Variants in CERS3 observed in about 807,000 individuals in gnomAD.
CERS3 encodes the protein ceramide synthase 3, also known as LAG1 homolog, ceramide synthase 3.
A neutral mutation model predicts 50.3 loss-of-function variants in CERS3; 33 were observed. The observed-to-expected ratio is 0.66, with a 90% CI of 0.50 to 0.88. The LOEUF (loss-of-function observed/expected upper bound fraction) is 0.88. CERS3 is among the 40% of genes least tolerant of loss of function. The pLI is 0.00. For synonymous variants in CERS3, 176 were observed against 155.2 expected, an observed-to-expected ratio of 1.13 and a Z score of -0.99; for missense variants, 470 against 460.3, an observed-to-expected ratio of 1.02 and a Z score of -0.19.
At chr15:100,475,531 G>A (rs1206058744) in intron 8 of CERS3, among the ~76,000 whole-genome samples, 1 of 152,192 alleles carries the variant, frequency 6.6e-6, no homozygotes, top group East Asian at 1.9e-4. Context: ...TTAGGAATCA[G>A]TAACAACCAA....
intron 11 of CERS3, 21 bp downstream of exon 11, chr15:100,455,872 T>C (rs76965044): frequency 1.4e-6 from 1 of 707,246 alleles, no homozygotes; most frequent in Non-Finnish European, 1.9e-6. Context: ...TTAAGAGCAA[T>C]AATATTTGGA....
intron 1 of CERS3, among the ~76,000 whole-genome samples, chr15:100,542,025 T>G (rs138042214): frequency 2.0e-5 from 3 of 152,322 alleles, no homozygotes; most frequent in Admixed American, 2.0e-4. Context: ...GGTCCATACT[T>G]TCAGCTATTT....
At chr15:100,434,739 G>A (rs985947396) in intron 11 of CERS3, among the ~76,000 whole-genome samples, 2 of 152,184 alleles carry the variant, frequency 1.3e-5, no homozygotes, top group Non-Finnish European at 2.9e-5. Context: ...TGCTGTGAAT[G>A]TGCAGATTTA....
At chr15:100,541,144 G>C (rs1423199980) in intron 1 of CERS3, among the ~76,000 whole-genome samples, 33 of 152,142 alleles carry the variant, frequency 2.2e-4, no homozygotes, top group Admixed American at 2.2e-3. Flanking sequence ...TGAGCTACGT[G>C]GCAAGCAGCA....
intron 1 of CERS3, among the ~76,000 whole-genome samples, chr15:100,539,591 A>G (rs2037151401): frequency 6.6e-6 from 1 of 152,228 alleles, no homozygotes; most frequent in Middle Eastern, 3.2e-3. Context: ...AGATCTCAGG[A>G]GAACTTGCTC....
At chr15:100,434,146 A>G (rs2033277954) in intron 11 of CERS3, among the ~76,000 whole-genome samples, 1 of 152,226 alleles carries the variant, frequency 6.6e-6, no homozygotes, top group Non-Finnish European at 1.5e-5. Context: ...CTCAGACTGA[A>G]GACGTCCTAG....
intron 10 of CERS3, among the ~76,000 whole-genome samples, chr15:100,467,829 ATATACGTG>A (rs1158877851): frequency 1.0e-5 from 1 of 98,542 alleles, no homozygotes; most frequent in African/African-American, 3.6e-5. Flanking sequence ...ATGTGTATAT[ATATACGTG>A]TATATATATA....
intron 2 of CERS3, among the ~76,000 whole-genome samples, chr15:100,504,199 C>T (rs914177065): frequency 1.3e-5 from 2 of 150,888 alleles, no homozygotes; most frequent in Non-Finnish European, 2.9e-5. Flanking sequence ...ACCTGCAAGG[C>T]TGTGCCCCTG....
rs1382668305 is a variant in CERS3 at position 100,479,969 on chromosome 15, G to C, written c.465+20C>G. 6.4e-7 allele frequency: 1 copy of C among 1,569,506 alleles called. No homozygotes were observed. The highest frequency in any genetic ancestry group is 1.7e-5 in the Admixed American group (1 of 57,334). On this transcript the variant is annotated intron_variant, in intron 6 of 11. Transcript: ENST00000679737. Reference sequence around the variant, plus strand: ...AAATTAAAGACAAATTCCAATCGAAGATATAAAAAGATAACTTACATCATA... The same window carrying C: ...AAATTAAAGACAAATTCCAATCGAACATATAAAAAGATAACTTACATCATA...
intron 11 of CERS3, among the ~76,000 whole-genome samples, chr15:100,447,804 C>A (rs948131197): frequency 1.3e-5 from 2 of 152,124 alleles, no homozygotes; most frequent in Non-Finnish European, 2.9e-5. Context: ...ATGAACATTC[C>A]CCCACTAGAT....
chr15:100,452,757 C>T (rs1023607721), intron 11 of CERS3, among the ~76,000 whole-genome samples: 10 of 151,876 alleles, frequency 6.6e-5, no homozygotes, highest in Non-Finnish European at 1.5e-4. Context: ...GCTAGCTAGA[C>T]TGACCAAGAA....
chr15:100,436,476 T>TG (rs937978761), intron 11 of CERS3, among the ~76,000 whole-genome samples: 2 of 151,846 alleles, frequency 1.3e-5, no homozygotes, highest in African/African-American at 4.8e-5. Flanking sequence ...CTATCGGGGC[T>TG]GGGGGGCAAG....
intron 2 of CERS3, among the ~76,000 whole-genome samples, chr15:100,505,196 C>A (rs1378822293): frequency 2.0e-5 from 3 of 152,080 alleles, no homozygotes; most frequent in African/African-American, 7.2e-5. Flanking sequence ...AGTTAGGTTT[C>A]CCCCCCAATA....
Position 100,483,784 on chromosome 15 carries a change from A to ATTTTTT in CERS3, c.407+765_407+766insAAAAAA, listed in dbSNP as rs1335617514. Among the ~76,000 whole-genome samples, 36 of 89,418 alleles carry ATTTTTT rather than the reference A, an allele frequency of 4.0e-4. 1 individual carries two copies. Among genetic ancestry groups the ATTTTTT allele is most frequent in the African/African-American group, 8.8e-4 (19 of 21,470 alleles). 58.7% of individuals were successfully genotyped at this position (89,418 alleles called of 152,430 possible). ...ATCAATAATAATAATAATTATTATT[A>ATTTTTT]TTATTTTTTTTTTTGAGACAGAGTC... On this transcript the variant is annotated intron_variant, in intron 5 of 11. Coordinates refer to ENST00000679737, the MANE Select transcript of CERS3 (RefSeq NM_001378789.1).
At chr15:100,537,429 G>C (rs1411404512) in intron 1 of CERS3, among the ~76,000 whole-genome samples, 1 of 152,226 alleles carries the variant, frequency 6.6e-6, no homozygotes, top group Non-Finnish European at 1.5e-5. Context: ...AGAACTGCTT[G>C]AGACTGGGTA....
At chr15:100,506,244 G>T (rs1359695633) in intron 2 of CERS3, among the ~76,000 whole-genome samples, 1 of 151,824 alleles carries the variant, frequency 6.6e-6, no homozygotes, top group Admixed American at 6.6e-5. Context: ...ACAACTCAAT[G>T]AAAAAAAATG....
In CERS3 at chr15:100,467,740, TATCA is replaced by T. The variant is rs11348739; in HGVS notation, c.845+1634_845+1637del. 8.1e-3 allele frequency among the ~76,000 whole-genome samples: 1,131 copies of T among 140,000 alleles called. 9 individuals are homozygous for T. Among genetic ancestry groups the T allele is most frequent in the South Asian group, 7.8e-3 (34 of 4,336 alleles). The allele number at this position is 140,000 out of a possible 152,430, so 91.8% of individuals were successfully genotyped here. A position where few individuals can be genotyped will look rare whatever the true frequency, so the allele number is the denominator to read the frequency against. ...TCAATATTATTCTATCAATAATTGCTATCATTCTCTCTCTCTCTCTCTCTCTCTC... is the reference window on the plus strand; with the variant it reads ...TCAATATTATTCTATCAATAATTGCTTTCTCTCTCTCTCTCTCTCTCTCTC... On this transcript the variant is annotated intron_variant, in intron 10 of 11. Coordinates refer to ENST00000679737, the MANE Select transcript of CERS3 (RefSeq NM_001378789.1).
At chr15:100,480,766 G>C (rs2035274485) in intron 5 of CERS3, among the ~76,000 whole-genome samples, 1 of 152,040 alleles carries the variant, frequency 6.6e-6, no homozygotes, top group African/African-American at 2.4e-5. Context: ...TGAAAATAAA[G>C]AGTTCTTATC....
chr15:100,445,706 C>T (rs1596675602), intron 11 of CERS3, among the ~76,000 whole-genome samples: 2 of 152,294 alleles, frequency 1.3e-5, no homozygotes, highest in East Asian at 3.9e-4. Flanking sequence ...AAACATCGCC[C>T]ATTATATCTC....
Sources: allele counts gnomAD v4.1 joint callset (sites outside exome capture counted in the v4.1 genomes callset), GRCh38; gene constraint gnomAD v4.1.1; transcripts MANE v1.5; gene names NCBI Gene and HGNC (gene_info 2026-07-23, HGNC 2026-07-21).